The following SNPH variants were observed in gnomAD, a reference collection of about 807,000 sequenced individuals.
SNPH encodes syntaphilin.
SNPH carries 10 observed loss-of-function variants against 36.8 expected under a neutral mutation model. That is an observed-to-expected ratio of 0.27 (90% CI 0.17 to 0.46). The LOEUF is 0.46. Ranked by LOEUF, SNPH falls within the 20% of genes least tolerant of loss-of-function variation. The pLI is 1.00. For missense variants in SNPH, 622 were observed against 744.0 expected, an observed-to-expected ratio of 0.84 and a Z score of 1.91; for synonymous variants, 281 against 312.2, an observed-to-expected ratio of 0.90 and a Z score of 1.05.
Position 1,305,958 on chromosome 20 carries a change from C to T in SNPH, c.1521C>T (p.Gly507=). ...PIYNISSLLR[G]CCTVALHSIR... ...ACAACATCAGCTCCCTGCTGCGGGG[C>T]TGCTGCACTGTGGCCTTGCACTCCA... Residue 507 remains glycine (G), a synonymous_variant, in exon 7 of 7, where the codon GGC becomes GGT. Transcript: ENST00000381867. The T allele has an allele frequency of 1.9e-6, 3 of 1,566,104 alleles. No individual in the cohort carries two copies. The highest frequency in any genetic ancestry group is 2.6e-6 in the Non-Finnish European group (3 of 1,156,290).
At chr20:1,301,162 C>T (rs1190918441) in intron 6 of SNPH, among the ~76,000 whole-genome samples, 1 of 152,166 alleles carries the variant, frequency 6.6e-6, no homozygotes, top group Non-Finnish European at 1.5e-5. Flanking sequence ...TGTGGCCAAC[C>T]TCGACTTCAG....
At chr20:1,280,726 G>T (rs1252591251) in intron 2 of SNPH, among the ~76,000 whole-genome samples, 1 of 152,166 alleles carries the variant, frequency 6.6e-6, no homozygotes, top group Non-Finnish European at 1.5e-5. Context: ...CTCCCTCAGG[G>T]GCCCTCTTCC....
chr20:1,296,217 GC>G lies in SNPH; in HGVS notation c.-21del, dbSNP rs2088430072. 10 of 1,500,712 alleles carry G rather than the reference GC, an allele frequency of 6.7e-6. No individual in the cohort carries two copies. The highest frequency in any genetic ancestry group is 8.9e-6 in the Non-Finnish European group (10 of 1,126,956). 93.0% of individuals were successfully genotyped at this position (1,500,712 alleles called of 1,614,324 possible). A position where few individuals can be genotyped will look rare whatever the true frequency, so the allele number is the denominator to read the frequency against. ...CAGGCCCTCGCTCCTGGGGTGTCCT[GC>G]CGAAGGGTGAGAAGAGAAGCCATGC... On this transcript the variant is annotated 5_prime_UTR_variant, in exon 4 of 7. Transcript: ENST00000381867.
At chr20:1,269,779 A>T (rs1361763274) in intron 2 of SNPH, among the ~76,000 whole-genome samples, 1 of 152,228 alleles carries the variant, frequency 6.6e-6, no homozygotes, top group African/African-American at 2.4e-5. Flanking sequence ...CAGTCAGGAC[A>T]GACACACTTT....
intron 2 of SNPH, among the ~76,000 whole-genome samples, chr20:1,267,005 T>A (rs2088014464): frequency 6.6e-6 from 1 of 151,410 alleles, no homozygotes; most frequent in Non-Finnish European, 1.5e-5. Flanking sequence ...CCAAAGTGGG[T>A]GATTAGGAGG....
chr20:1,268,915 T>C (rs1338305252), intron 2 of SNPH, among the ~76,000 whole-genome samples: 1 of 152,160 alleles, frequency 6.6e-6, no homozygotes, highest in Non-Finnish European at 1.5e-5. Flanking sequence ...CTTCGCCTAC[T>C]CCTCTAGGGC....
intron 2 of SNPH, among the ~76,000 whole-genome samples, chr20:1,287,198 A>T (rs773877755): frequency 1.3e-4 from 20 of 152,214 alleles, no homozygotes; most frequent in Non-Finnish European, 2.5e-4. Context: ...GTGGCCAGGA[A>T]GCTTGGAATT....
intron 4 of SNPH, 85 bp from the exon 5 acceptor site, chr20:1,297,060 G>T: frequency 6.7e-7 from 1 of 1,494,300 alleles, no homozygotes; most frequent in South Asian, 1.4e-5. Context: ...GGCACTTTGG[G>T]CCGCAGCGGC....
chr20:1,299,936 C>T (rs1220552164), intron 5 of SNPH, among the ~76,000 whole-genome samples: 1 of 152,154 alleles, frequency 6.6e-6, no homozygotes, highest in South Asian at 2.1e-4. Context: ...GCTGTGCCTG[C>T]GCGTGTCTGC....
Position 1,305,796 on chromosome 20 carries a change from G to C in SNPH, c.1359G>C (p.Glu453Asp). 6.3e-7 allele frequency: 1 copy of C among 1,597,760 alleles called. No homozygotes were observed. Among genetic ancestry groups the C allele is most frequent in the Non-Finnish European group, 8.5e-7 (1 of 1,172,474 alleles). Reference sequence around the variant, plus strand: ...TGTGCCCCATGGAAGAGGAGGAGGAGGCTGCCGTGGCTGAGAAGGAGCCCA... The same window carrying C: ...TGTGCCCCATGGAAGAGGAGGAGGACGCTGCCGTGGCTGAGAAGGAGCCCA... ...SVVCPMEEEE[E>D]AAVAEKEPKS... Residue 453 changes from glutamate to aspartate, a missense_variant, in exon 7 of 7, where the codon GAG becomes GAC. Transcript: ENST00000381867.
At chr20:1,283,905 A>G (rs914057630) in intron 2 of SNPH, among the ~76,000 whole-genome samples, 1 of 152,236 alleles carries the variant, frequency 6.6e-6, no homozygotes, top group Admixed American at 6.5e-5. Context: ...CTTAGCCTTC[A>G]AAGGCTCTGT....
intron 2 of SNPH, among the ~76,000 whole-genome samples, chr20:1,292,706 C>T (rs554226978): frequency 6.6e-6 from 1 of 152,156 alleles, no homozygotes; most frequent in Non-Finnish European, 1.5e-5. Flanking sequence ...GGCCTGCCCC[C>T]CTCCTTCTGC....
intron 2 of SNPH, among the ~76,000 whole-genome samples, chr20:1,289,447 TG>T (rs1438751434): frequency 6.6e-6 from 1 of 151,962 alleles, no homozygotes; most frequent in Non-Finnish European, 1.5e-5. Flanking sequence ...TGAGCCATTC[TG>T]GAAGAGTCTC....
In SNPH at chr20:1,295,772, G is replaced by T. The variant is rs1265327539; in HGVS notation, c.-464-4G>T. 4 of 161,874 alleles carry T rather than the reference G, an allele frequency of 2.5e-5. No homozygotes were observed. The highest frequency in any genetic ancestry group is 4.0e-5 in the Non-Finnish European group (3 of 75,054). The allele number at this position is 161,874 out of a possible 1,614,324, so 10.0% of individuals were successfully genotyped here. ...TACGTTGGTCTGTCTTGTCTCCCCT[G>T]TAGACGGGAAGCCCCGAACCACGGG... On this transcript the variant is annotated splice_polypyrimidine_tract_variant and splice_region_variant and intron_variant, in intron 3 of 6. Coordinates refer to ENST00000381867, the MANE Select transcript of SNPH (RefSeq NM_001318234.2).
Position 1,266,798 on chromosome 20 carries a change from G to C in SNPH, c.-493+38G>C. ...CGGCGGAGCGGGGAGCTGGCCCTGC[G>C]CTGCACCGCGGCAGGTGGGGGCCGC... On this transcript the variant is annotated intron_variant, in intron 2 of 6. Transcript: ENST00000381867. The surrounding 1 kb of genome is among the most constrained non-coding windows in gnomAD (Gnocchi z 6.0). 7.6e-7 allele frequency: 1 copy of C among 1,320,936 alleles called. No homozygotes were observed. The highest frequency in any genetic ancestry group is 9.7e-7 in the Non-Finnish European group (1 of 1,035,046). 81.8% of individuals were successfully genotyped at this position (1,320,936 alleles called of 1,614,324 possible). A position where few individuals can be genotyped will look rare whatever the true frequency, so the allele number is the denominator to read the frequency against.
chr20:1,278,469 A>C (rs1341371047), intron 2 of SNPH, among the ~76,000 whole-genome samples: 1 of 152,208 alleles, frequency 6.6e-6, no homozygotes, highest in Non-Finnish European at 1.5e-5. Flanking sequence ...AACCATCACC[A>C]CAATTAGGAT....
chr20:1,278,124 G>A (rs574005257), intron 2 of SNPH, among the ~76,000 whole-genome samples: 15 of 150,980 alleles, frequency 9.9e-5, no homozygotes, highest in Non-Finnish European at 1.3e-4. Context: ...GTGTGTATCT[G>A]TGTGTGTCTC....
chr20:1,299,115 T>A (rs752828158), intron 5 of SNPH, among the ~76,000 whole-genome samples: 1 of 152,050 alleles, frequency 6.6e-6, no homozygotes, highest in Non-Finnish European at 1.5e-5. Flanking sequence ...CGTGAGTACA[T>A]AGAAGAAAAC....
At chr20:1,283,721 C>G (rs1372157109) in intron 2 of SNPH, among the ~76,000 whole-genome samples, 2 of 152,168 alleles carry the variant, frequency 1.3e-5, no homozygotes, top group Non-Finnish European at 2.9e-5. Flanking sequence ...ACCTTCCTAC[C>G]CCGAAGGTAG....
Sources: allele counts gnomAD v4.1 joint callset (sites outside exome capture counted in the v4.1 genomes callset), GRCh38; gene constraint gnomAD v4.1.1; non-coding constraint Gnocchi (gnomAD v3.1); transcripts MANE v1.5; gene names NCBI Gene and HGNC (gene_info 2026-07-23, HGNC 2026-07-21).